The following METTL17 variants were observed in gnomAD, a reference collection of about 807,000 sequenced individuals.
The protein encoded by METTL17 is methyltransferase like 17.
Under a neutral mutation model 59.4 loss-of-function variants are expected in METTL17, and 49 were observed. The ratio of observed to expected loss-of-function variants is 0.82; its 90% CI spans 0.66 to 1.05. The LOEUF (loss-of-function observed/expected upper bound fraction) is 1.05, where lower values mean the gene tolerates loss of function less well. METTL17 is among the 50% of genes least tolerant of loss of function. The probability of loss-of-function intolerance (pLI) is 0.00; values close to 1 mark genes in which losing one functional copy is unlikely to be tolerated. For synonymous variants in METTL17, 208 were observed against 209.2 expected, an observed-to-expected ratio of 0.99 and a Z score of 0.05; for missense variants, 555 against 578.4, an observed-to-expected ratio of 0.96 and a Z score of 0.41.
chr14:20,992,777 C>T (rs750704170), intron 5 of METTL17, 155 bp downstream of exon 5: 8 of 643,592 alleles, frequency 1.2e-5, no homozygotes, highest in Non-Finnish European at 2.2e-5. Context: ...CCTGCAGTCC[C>T]AACTGTTTGG....
chr14:20,994,668 A>G, intron 8 of METTL17, 55 bp downstream of exon 8: 3 of 1,581,422 alleles, frequency 1.9e-6, no homozygotes, highest in African/African-American at 2.7e-5. Context: ...ATGGAAAACT[A>G]TGGCTTGAGC....
intron 4 of METTL17, 87 bp downstream of exon 4, chr14:20,992,292 G>T: frequency 1.1e-6 from 1 of 890,184 alleles, no homozygotes. Context: ...AATCAATTTA[G>T]TATTTTCTTT....
chr14:20,996,390 G>A (rs2138743000), intron 12 of METTL17, 98 bp downstream of exon 12: 1 of 1,493,508 alleles, frequency 6.7e-7, no homozygotes, highest in Admixed American at 1.8e-5. Context: ...TTGTAGAATA[G>A]CCTGGAGACT....
At position 20,992,158 on chromosome 14, in the gene METTL17, A is replaced by G. The variant is rs1379534291; in HGVS notation, c.399A>G (p.Ala133=). The change falls in exon 4 of 14, where the codon GCA becomes GCG. Residue 133 remains alanine, a synonymous_variant. Transcript: ENST00000339374. ...AGACAGAGGAGAAACTTCGTGGAGC[A>G]GTGCTACACGCACTACGTAAAACTA... is the stretch of plus-strand genomic sequence containing the variant. The part of the protein sequence containing the change: ...LSQTEEKLRG[A]VLHALRKTTY... 1.2e-6 allele frequency: 2 copies of G among 1,612,596 alleles called. No homozygotes were observed. The highest frequency in any genetic ancestry group is 2.7e-5 in the African/African-American group (2 of 74,858).
chr14:20,990,265 A>C lies in METTL17; in HGVS notation c.111A>C (p.Val37=), dbSNP rs1298971012. The C allele has an allele frequency of 1.2e-6, 2 of 1,614,250 alleles. No homozygotes were observed. Among genetic ancestry groups the C allele is most frequent in the Non-Finnish European group, 1.7e-6 (2 of 1,180,036 alleles). Residue 37 remains valine (V), a synonymous_variant, in exon 2 of 14, where the codon GTA becomes GTC. Coordinates refer to ENST00000339374, the MANE Select transcript of METTL17 (RefSeq NM_022734.3). The part of the protein sequence containing the change: ...LAALVPGVTQ[V]DNKSGFLQKR... ...CCTTAGTACCCGGAGTGACCCAGGT[A>C]GATAACAAGTCCGGTTTCCTGCAGA... is the stretch of plus-strand genomic sequence containing the variant.
chr14:20,996,354 A>G (rs1247243061), intron 12 of METTL17, 62 bp downstream of exon 12: 5 of 1,569,190 alleles, frequency 3.2e-6, no homozygotes, highest in Non-Finnish European at 4.4e-6. Context: ...AAGAAAAAGA[A>G]TCAGAGTTAG....
chr14:20,991,984 T>C, intron 3 of METTL17, 140 bp from the exon 4 acceptor site: 2 of 698,316 alleles, frequency 2.9e-6, no homozygotes, highest in Non-Finnish European at 5.0e-6. Context: ...GAAACTTTTC[T>C]CTAGGTTTGT....
At chr14:20,996,055 T>C in intron 11 of METTL17, 104 bp downstream of exon 11, 3 of 1,370,734 alleles carry the variant, frequency 2.2e-6, no homozygotes, top group South Asian at 2.3e-5. Flanking sequence ...TTTGTGTTCC[T>C]ATCCAGTTCC....
rs752384861 is a variant in METTL17, at chr14:20,990,392, C to T, written c.229+9C>T. The T allele has an allele frequency of 1.2e-6, 2 of 1,613,550 alleles. No individual in the cohort carries two copies. Among genetic ancestry groups the T allele is most frequent in the Non-Finnish European group, 1.7e-6 (2 of 1,179,658 alleles). ...CCAGTTATTGCTACTTGGTGAGTAA[C>T]GGCGGGAAAGCGAGAAGAAACGGGA... On this transcript the variant is annotated intron_variant, in intron 2 of 13. Transcript: ENST00000339374.
Position 20,994,238 on chromosome 14 carries a change from G to C in METTL17, c.697+175G>C, listed in dbSNP as rs148616656. Among the ~76,000 whole-genome samples the C allele has an allele frequency of 8.3e-3, 1,259 of 151,700 alleles. 13 individuals are homozygous for C. Among genetic ancestry groups the C allele is most frequent in the African/African-American group, 0.028 (1,166 of 41,304 alleles). ...GAGGTTTCTGCTGGACTGAGGATGG[G>C]TTGGGTAAGAATCAAAGGACAGGAG... is the stretch of plus-strand genomic sequence containing the variant. On this transcript the variant is annotated intron_variant, in intron 7 of 13. Transcript: ENST00000339374.
intron 3 of METTL17, 132 bp downstream of exon 3, chr14:20,990,730 T>A: frequency 8.9e-7 from 1 of 1,117,612 alleles, no homozygotes; most frequent in Non-Finnish European, 1.3e-6. Flanking sequence ...CAGCAGTTGT[T>A]ACAATGATGC....
At chr14:20,996,174 CT>C (rs768192210) in intron 11 of METTL17, 34 bp from the exon 12 acceptor site, 25 of 1,592,174 alleles carry the variant, frequency 1.6e-5, no homozygotes, top group African/African-American at 2.7e-5. Flanking sequence ...ATTGATGGCT[CT>C]TTTGTCTTAC....
At chr14:20,994,422 A>T (rs1471434157) in intron 7 of METTL17, 121 bp from the exon 8 acceptor site, 2 of 858,054 alleles carry the variant, frequency 2.3e-6, no homozygotes, top group Non-Finnish European at 1.9e-6. Context: ...TACCTGGCTC[A>T]TCCCTGCCCT....
intron 10 of METTL17, 56 bp downstream of exon 10, chr14:20,995,289 C>G (rs780336680): frequency 6.8e-7 from 1 of 1,460,194 alleles, no homozygotes; most frequent in South Asian, 1.1e-5. Flanking sequence ...TACTGTTACT[C>G]TCTTGAAAAC....
In METTL17 at chr14:20,993,622, A is replaced by C. The variant is rs376653471; in HGVS notation, c.603-347A>C. 621 of 216,478 alleles carry C rather than the reference A, an allele frequency of 2.9e-3. 4 individuals are homozygous for C. Among genetic ancestry groups the C allele is most frequent in the Admixed American group, 6.7e-3 (123 of 18,448 alleles). 13.4% of individuals were successfully genotyped at this position (216,478 alleles called of 1,614,324 possible). A position where few individuals can be genotyped will look rare whatever the true frequency, so the allele number is the denominator to read the frequency against. On this transcript the variant is annotated intron_variant, in intron 6 of 13. Coordinates refer to ENST00000339374, the MANE Select transcript of METTL17 (RefSeq NM_022734.3). ...CCCGAGTAGCTGGGACTACAGGTGC[A>C]CGCCACCACACCCAGCTAATTTTTG...
intron 4 of METTL17, 157 bp from the exon 5 acceptor site, chr14:20,992,384 T>G (rs375663160): frequency 1.4e-6 from 1 of 736,362 alleles, no homozygotes; most frequent in East Asian, 2.6e-5. Context: ...GTTTGAAAAT[T>G]TAGTGTTTGT....
chr14:20,990,262 G>T lies in METTL17; in HGVS notation c.108G>T (p.Gln36His). 1 of 1,614,234 alleles carries T rather than the reference G, an allele frequency of 6.2e-7. No homozygotes were observed. The highest frequency in any genetic ancestry group is 8.5e-7 in the Non-Finnish European group (1 of 1,180,040). ...CCGCCTTAGTACCCGGAGTGACCCA[G>T]GTAGATAACAAGTCCGGTTTCCTGC... The part of the protein sequence containing the change: ...ALAALVPGVT[Q>H]VDNKSGFLQK... Residue 36 changes from glutamine (Q) to histidine (H), a missense_variant, in exon 2 of 14, where the codon CAG becomes CAT. Transcript: ENST00000339374.
intron 8 of METTL17, 37 bp downstream of exon 8, chr14:20,994,650 T>A: frequency 1.9e-6 from 3 of 1,597,694 alleles, no homozygotes; most frequent in Non-Finnish European, 2.6e-6. Context: ...AAATGTGGAA[T>A]GTGGCAGATG....
At position 20,990,359 on chromosome 14, in the gene METTL17, A is replaced by G. The variant is rs185541099; in HGVS notation, c.205A>G (p.Asn69Asp). The G allele has an allele frequency of 1.2e-6, 2 of 1,614,234 alleles. No individual in the cohort carries two copies. Among genetic ancestry groups the G allele is most frequent in the African/African-American group, 1.3e-5 (1 of 75,074 alleles). Residue 69 changes from asparagine to aspartate, a missense_variant, in exon 2 of 14, where the codon AAC becomes GAC. Transcript: ENST00000339374. ...PHVRLPQALANGAQLLLLGSA... is the reference protein window; with the variant it reads ...PHVRLPQALADGAQLLLLGSA... The stretch of plus-strand genomic sequence containing the variant: ...CGTGCGGCTGCCACAGGCACTGGCT[A>G]ACGGTGCCCAGTTATTGCTACTTGG...
Sources: gnomAD v4.1 joint callset for allele counts (sites outside exome capture counted in the v4.1 genomes callset) on GRCh38, gnomAD v4.1.1 for gene constraint, MANE v1.5 for transcripts, NCBI Gene and HGNC (gene_info 2026-07-23, HGNC 2026-07-21) for gene names.